Variants in LMO7 observed in about 807,000 individuals in gnomAD.
LMO7 encodes the protein LIM domain 7, also known as LIM domain only protein 7.
In LMO7, 120 loss-of-function variants were observed where a neutral mutation model predicts 206.5. That is an observed-to-expected ratio of 0.58 (90% CI 0.50 to 0.68). The LOEUF is 0.68. Among genes scored for constraint, LMO7 ranks in the 30% least tolerant of loss-of-function variants. The pLI, the probability that LMO7 is intolerant of heterozygous loss-of-function variation, is 0.00. For synonymous variants in LMO7, 706 were observed against 681.5 expected (o/e 1.04, Z -0.56); for missense variants, 1,959 against 1,957.9 (o/e 1.00, Z -0.01).
chr13:75,636,531 C>T lies in LMO7; in HGVS notation c.-127C>T. The T allele has an allele frequency of 6.6e-7, 1 of 1,519,084 alleles. No homozygotes were observed. Among genetic ancestry groups the T allele is most frequent in the South Asian group, 1.2e-5 (1 of 81,960 alleles). 94.1% of individuals were successfully genotyped at this position (1,519,084 alleles called of 1,614,324 possible). On this transcript the variant is annotated 5_prime_UTR_variant, in exon 1 of 31. Transcript: ENST00000377534. ...GGGAACTAGAGCCCCGGCGCCTTCG[C>T]AGCCGGAGCGGAAGCCGGAGTTGTG...
intron 2 of LMO7, among the ~76,000 whole-genome samples, chr13:75,717,504 A>C (rs952847488): frequency 6.6e-6 from 1 of 151,882 alleles, no homozygotes; most frequent in East Asian, 1.9e-4. Context: ...TGTATCAGCC[A>C]TGTGACCACA....
intron 25 of LMO7, among the ~76,000 whole-genome samples, chr13:75,844,857 C>T (rs1247081432): frequency 6.6e-6 from 1 of 152,162 alleles, no homozygotes; most frequent in African/African-American, 2.4e-5. Flanking sequence ...CTTTGGAACA[C>T]TAAGATGGCA....
Position 75,684,876 on chromosome 13 carries a change from T to A in LMO7, c.70-28306T>A, listed in dbSNP as rs370985503. ...ACAGTTTGCTCAGCCCTACCAATGT[T>A]ACTTTGTCTCTTTAAGGCAAGAGCC... On this transcript the variant is annotated intron_variant, in intron 1 of 30. Transcript: ENST00000377534. Among the ~76,000 whole-genome samples, 63 of 152,284 alleles carry A rather than the reference T, an allele frequency of 4.1e-4. 1 individual carries two copies. In the South Asian group the frequency reaches 0.013, roughly 32 times the overall value.
rs1416518597 is a variant in LMO7, at chr13:75,711,228, G to C, written c.70-1954G>C. Among the ~76,000 whole-genome samples the C allele has an allele frequency of 3.3e-5, 5 of 152,220 alleles. No individual in the cohort carries two copies. The East Asian group carries it at 7.7e-4, about 24-fold the overall frequency. On this transcript the variant is annotated intron_variant, in intron 1 of 30. Transcript: ENST00000377534. Reference sequence around the variant, plus strand: ...GTATTTTATTGAGGATTTTTGCATTGATGTTCATCAGGGATATTGGTCTAA... The same window carrying C: ...GTATTTTATTGAGGATTTTTGCATTCATGTTCATCAGGGATATTGGTCTAA...
intron 1 of LMO7, among the ~76,000 whole-genome samples, chr13:75,697,617 A>G (rs1475302598): frequency 6.6e-6 from 1 of 152,238 alleles, no homozygotes; most frequent in Non-Finnish European, 1.5e-5. Context: ...GCCAAACCAT[A>G]TCAGGCAGTG....
rs956100491 is a variant in LMO7, at chr13:75,859,842, G to T, written c.*1899G>T. 1 of 152,158 alleles carries T rather than the reference G, an allele frequency of 6.6e-6. No individual in the cohort carries two copies. The highest frequency in any genetic ancestry group is 1.5e-5 in the Non-Finnish European group (1 of 68,030). The allele number at this position is 152,158 out of a possible 1,614,324, so 9.4% of individuals were successfully genotyped here. A position where few individuals can be genotyped will look rare whatever the true frequency, so the allele number is the denominator to read the frequency against. On this transcript the variant is annotated 3_prime_UTR_variant, in exon 31 of 31. Coordinates refer to ENST00000377534, the MANE Select transcript of LMO7 (RefSeq NM_001306080.2). ...AGGCAGCCCTCAATATGCAGTGGTT[G>T]AATAAATGAATGAAGAAACCACTAT...
intron 28 of LMO7, 147 bp from the exon 29 acceptor site, chr13:75,855,113 T>C: frequency 1.9e-6 from 1 of 521,140 alleles, no homozygotes; most frequent in Non-Finnish European, 3.4e-6. Flanking sequence ...CACTCTTTAG[T>C]TGGCTGGTAA....
intron 1 of LMO7, among the ~76,000 whole-genome samples, chr13:75,657,559 A>G (rs2038175557): frequency 6.6e-6 from 1 of 152,220 alleles, no homozygotes; most frequent in Non-Finnish European, 1.5e-5. Context: ...ATCCCTGCCA[A>G]GTAGAAGAGA....
intron 15 of LMO7, among the ~76,000 whole-genome samples, chr13:75,832,713 T>C (rs3825439): frequency 0.13 from 19,906 of 152,196 alleles, 1,715 homozygotes; most frequent in Admixed American, 0.22. Flanking sequence ...ACTTTATTCC[T>C]GGGCAGTGAA....
intron 15 of LMO7, 72 bp downstream of exon 15, chr13:75,823,945 A>G (rs762514494): frequency 9.3e-6 from 12 of 1,287,796 alleles, no homozygotes; most frequent in Non-Finnish European, 1.3e-5. Flanking sequence ...ACCATGTCTC[A>G]AATGTCAAAC....
intron 4 of LMO7, among the ~76,000 whole-genome samples, chr13:75,787,107 C>T (rs2052558917): frequency 6.6e-6 from 1 of 152,170 alleles, no homozygotes; most frequent in African/African-American, 2.4e-5. Context: ...TCCCTCAACA[C>T]ATTTTATATA....
chr13:75,730,418 AG>A (rs879330219), intron 3 of LMO7, among the ~76,000 whole-genome samples: 4,578 of 152,202 alleles, frequency 0.03, 157 homozygotes, highest in Non-Finnish European at 0.038. Flanking sequence ...ATTTGCGTAG[AG>A]GGTTTTGTAG....
chr13:75,652,767 A>G (rs566571614), intron 1 of LMO7, among the ~76,000 whole-genome samples: 1 of 152,204 alleles, frequency 6.6e-6, no homozygotes, highest in East Asian at 1.9e-4. Context: ...GCTTTATTAA[A>G]CTTAAAAAAA....
intron 4 of LMO7, among the ~76,000 whole-genome samples, chr13:75,773,568 CTAAAGATGTTTGGAGTAAGACGT>C (rs1431449010): frequency 6.6e-6 from 1 of 152,044 alleles, no homozygotes; most frequent in Non-Finnish European, 1.5e-5. Context: ...GAAACAGATG[CTAAAGATGTTTGGAGTAAGACGT>C]GATGAGGATT....
At chr13:75,677,885 A>G (rs1488665076) in intron 1 of LMO7, among the ~76,000 whole-genome samples, 1 of 147,068 alleles carries the variant, frequency 6.8e-6, no homozygotes. Context: ...GAGTGAGAAC[A>G]TGCAGTGTTT....
intron 1 of LMO7, among the ~76,000 whole-genome samples, chr13:75,648,293 G>A (rs914553218): frequency 6.6e-6 from 1 of 151,878 alleles, no homozygotes; most frequent in East Asian, 1.9e-4. Flanking sequence ...TGAATTAAAA[G>A]GTATTATTAT....
At chr13:75,801,140 C>G (rs1057401707) in intron 7 of LMO7, among the ~76,000 whole-genome samples, 1 of 151,360 alleles carries the variant, frequency 6.6e-6, no homozygotes, top group African/African-American at 2.4e-5. Flanking sequence ...CAGTGATAAT[C>G]TATCCTGGCT....
rs2059579677 is a variant in LMO7 at position 75,841,895 on chromosome 13, G to A, written c.3943G>A (p.Ala1315Thr). Reference protein sequence around the residue: ...EQEQKRLQAEAEEQKRPAEEQ... With the variant: ...EQEQKRLQAETEEQKRPAEEQ... ...AGAGCAAAAGCGGCTTCAGGCTGAG[G>A]CTGAGGAGCAGAAGCGTCCTGCGGA... The change falls in exon 24 of 31, where the codon GCT becomes ACT. Residue 1315 changes from alanine (A) to threonine (T), a missense_variant. By Grantham distance (58) the Ala-to-Thr change is moderately conservative. Coordinates refer to ENST00000377534, the MANE Select transcript of LMO7 (RefSeq NM_001306080.2). 1.9e-6 allele frequency: 3 copies of A among 1,614,000 alleles called. No individual in the cohort carries two copies. Among genetic ancestry groups the A allele is most frequent in the African/African-American group, 2.7e-5 (2 of 75,034 alleles).
intron 1 of LMO7, among the ~76,000 whole-genome samples, chr13:75,663,432 C>CTTTCTTTCTTTCTTTCTTTCTTTCTTTTT (rs1555289857): frequency 5.4e-5 from 6 of 111,408 alleles, no homozygotes; most frequent in African/African-American, 1.9e-4. Flanking sequence ...TTCTTTCTTT[C>CTTTCTTTCTTTCTTTCTTTCTTTCTTTTT]TTTTTTTTTT....
Sources: allele counts gnomAD v4.1 joint callset (sites outside exome capture counted in the v4.1 genomes callset), GRCh38; gene constraint gnomAD v4.1.1; transcripts MANE v1.5; gene names NCBI Gene and HGNC (gene_info 2026-07-23, HGNC 2026-07-21).